The following MED12L variants were observed in gnomAD, a reference collection of about 807,000 sequenced individuals.
MED12L encodes the protein mediator complex subunit 12L.
A neutral mutation model predicts 281.3 loss-of-function variants in MED12L; 60 were observed. The ratio of observed to expected loss-of-function variants is 0.21; its 90% CI spans 0.17 to 0.26. The LOEUF is 0.26. Ranked by LOEUF, MED12L falls within the 10% of genes least tolerant of loss-of-function variation. The pLI is 1.00. For missense variants in MED12L, 2,146 were observed against 2,680.9 expected (o/e 0.80, Z 4.41); for synonymous variants, 974 against 987.2 (o/e 0.99, Z 0.25).
chr3:151,091,551 A>C (rs1292917583), intron 2 of MED12L, among the ~76,000 whole-genome samples: 1 of 152,210 alleles, frequency 6.6e-6, no homozygotes, highest in Non-Finnish European at 1.5e-5. Flanking sequence ...GGGCTGGATT[A>C]GACTTCTATG....
chr3:151,269,429 AC>A (rs1740457394), intron 16 of MED12L: 3 of 220,774 alleles, frequency 1.4e-5, no homozygotes, highest in Admixed American at 5.8e-5. Context: ...ACACACACAC[AC>A]ACACACACAC....
intron 16 of MED12L, among the ~76,000 whole-genome samples, chr3:151,306,525 T>C (rs1746679972): frequency 6.6e-6 from 1 of 152,216 alleles, no homozygotes; most frequent in Non-Finnish European, 1.5e-5. Context: ...ACATTTGCTC[T>C]CTCCCCAGAA....
intron 5 of MED12L, among the ~76,000 whole-genome samples, chr3:151,134,637 AG>A (rs1484298478): frequency 1.6e-4 from 24 of 152,208 alleles, no homozygotes; most frequent in African/African-American, 5.3e-4. Flanking sequence ...TAAGCCACTG[AG>A]GGAACTTGGG....
chr3:151,222,602 C>T (rs1444081652), intron 16 of MED12L, among the ~76,000 whole-genome samples: 2 of 152,180 alleles, frequency 1.3e-5, no homozygotes, highest in African/African-American at 4.8e-5. Context: ...GAGATGTGCT[C>T]CACCATGATT....
chr3:151,424,814 G>A (rs937203859), intron 43 of MED12L, among the ~76,000 whole-genome samples: 6 of 152,130 alleles, frequency 3.9e-5, no homozygotes, highest in Non-Finnish European at 8.8e-5. Flanking sequence ...TGTTCCTTCC[G>A]CTGCCGCTTG....
chr3:151,111,248 G>T (rs1711838281), intron 2 of MED12L, among the ~76,000 whole-genome samples: 1 of 152,222 alleles, frequency 6.6e-6, no homozygotes, highest in South Asian at 2.1e-4. Context: ...ACGAACAATA[G>T]CAGCAATGCT....
chr3:151,216,457 A>C (rs1287179437), intron 16 of MED12L, among the ~76,000 whole-genome samples: 1 of 152,240 alleles, frequency 6.6e-6, no homozygotes, highest in Non-Finnish European at 1.5e-5. Context: ...CACATAAAAA[A>C]TAGTACATCC....
intron 16 of MED12L, among the ~76,000 whole-genome samples, chr3:151,296,456 C>T (rs1412078389): frequency 6.6e-6 from 1 of 152,180 alleles, no homozygotes; most frequent in Non-Finnish European, 1.5e-5. Flanking sequence ...ATGGCAGGGA[C>T]ACCAAGACAA....
chr3:151,141,182 T>TTTTG (rs1553808483), intron 5 of MED12L, among the ~76,000 whole-genome samples: 14 of 116,820 alleles, frequency 1.2e-4, no homozygotes, highest in African/African-American at 2.7e-4. Flanking sequence ...TTTTTTGTTT[T>TTTTG]TTTTGTTTTT....
Position 151,169,858 on chromosome 3 carries a change from G to C in MED12L, c.1494+3876G>C, listed in dbSNP as rs1369777499. On this transcript the variant is annotated intron_variant, in intron 11 of 44. Transcript: ENST00000687756. ...TCAACTTCTGTAGTTGCAATAGGTTGGAGGTTTGCTGTTACTAGAAGTCGT... is the reference window on the plus strand; with the variant it reads ...TCAACTTCTGTAGTTGCAATAGGTTCGAGGTTTGCTGTTACTAGAAGTCGT... Among the ~76,000 whole-genome samples, 8 of 152,206 alleles carry C rather than the reference G, an allele frequency of 5.3e-5. No individual in the cohort carries two copies. The East Asian group carries it at 1.3e-3, about 26-fold the overall frequency.
At position 151,383,838 on chromosome 3, in the gene MED12L, G is replaced by C. The variant is rs765203353; in HGVS notation, c.4740G>C (p.Leu1580=). The C allele has an allele frequency of 6.2e-7, 1 of 1,614,044 alleles. No homozygotes were observed. The highest frequency in any genetic ancestry group is 2.2e-5 in the East Asian group (1 of 44,866). ...RSTQWTTDWA[L]LLLQIITSGT... ...CCCAGTGGACTACAGACTGGGCCCT[G>C]CTACTCCTTCAGATCATTACTTCAG... The change falls in exon 34 of 45, where the codon CTG becomes CTC. Residue 1580 remains leucine, a synonymous_variant. Transcript: ENST00000687756.
In MED12L at chr3:151,435,607, T is replaced by A. The variant is rs1268083131; in HGVS notation, c.*2803T>A. 3 of 126,778 alleles carry A rather than the reference T, an allele frequency of 2.4e-5. No individual in the cohort carries two copies. The highest frequency in any genetic ancestry group is 8.7e-5 in the African/African-American group (3 of 34,672). The allele number at this position is 126,778 out of a possible 1,614,324, so 7.9% of individuals were successfully genotyped here. On this transcript the variant is annotated 3_prime_UTR_variant, in exon 45 of 45. Transcript: ENST00000687756. ...ACCTATGGCATTTTTTTCCCATTTATAAAGCTCCTATAATTCTTAAGTAAG... is the reference window on the plus strand; with the variant it reads ...ACCTATGGCATTTTTTTCCCATTTAAAAAGCTCCTATAATTCTTAAGTAAG...
In MED12L at chr3:151,294,524, A is replaced by G. The variant is rs540566684; in HGVS notation, c.2251-55535A>G. 7.0e-5 allele frequency: 113 copies of G among 1,614,178 alleles called. 3 individuals carry two copies. In the South Asian group the frequency reaches 1.2e-3, roughly 17 times the overall value. On this transcript the variant is annotated intron_variant, in intron 16 of 44. Coordinates refer to ENST00000687756, the MANE Select transcript of MED12L (RefSeq NM_001393769.1). ...TTTTCGCTTTCGGCTTGACTGACTT[A>G]TGAATTGCCTGCTGGATTTGTGGAT...
intron 16 of MED12L, chr3:151,337,895 AT>A: frequency 6.2e-7 from 1 of 1,614,160 alleles, no homozygotes; most frequent in Non-Finnish European, 8.5e-7. Flanking sequence ...ATGTTGCAGA[AT>A]TGGGGCACTT....
In MED12L at chr3:151,122,967, C is replaced by A; in HGVS notation, c.389C>A (p.Ala130Glu). 6.3e-7 allele frequency: 1 copy of A among 1,593,484 alleles called. No homozygotes were observed. The change falls in exon 4 of 45, where the codon GCA (alanine) becomes GAA (glutamate). Residue 130 changes from alanine to glutamate, a missense_variant. By Grantham distance (107) the Ala-to-Glu change is moderately radical (BLOSUM62 -1). Around this residue, in one of 9 missense-constraint regions of MED12L, gnomAD observed 722 missense variants for 861.2 expected, o/e 0.84. Transcript: ENST00000687756. ...LAGNKPLSIL[A>E]KKVPILSKKE... ...GGAAATAAGCCACTTTCTATTTTGGCAAAAAAGGTATCAAATATTTCTTAC... is the reference window on the plus strand; with the variant it reads ...GGAAATAAGCCACTTTCTATTTTGGAAAAAAAGGTATCAAATATTTCTTAC...
At chr3:151,337,239 A>C (rs2149922686) in intron 16 of MED12L, 1 of 152,246 alleles carries the variant, frequency 6.6e-6, no homozygotes, top group East Asian at 1.9e-4. Flanking sequence ...TAAAAAATTA[A>C]GTCCAATCAA....
Position 151,127,838 on chromosome 3 carries a change from G to T in MED12L, c.410G>T (p.Ser137Ile). 1 of 1,608,148 alleles carries T rather than the reference G, an allele frequency of 6.2e-7. No homozygotes were observed. Among genetic ancestry groups the T allele is most frequent in the Non-Finnish European group, 8.5e-7 (1 of 1,175,040 alleles). The change falls in exon 5 of 45, where the codon AGT becomes ATT. Residue 137 changes from serine to isoleucine, a missense_variant. Ser to Ile is a moderately radical substitution (Grantham distance 142). Coordinates refer to ENST00000687756, the MANE Select transcript of MED12L (RefSeq NM_001393769.1). ...GTTTCTTTTTAGGTTCCTATCCTTA[G>T]TAAAAAAGAGGATGTTTTTGCATAT... ...SILAKKVPIL[S>I]KKEDVFAYLA... is the part of the protein sequence containing the mutation.
At chr3:151,285,360 C>T (rs1331808752) in intron 16 of MED12L, among the ~76,000 whole-genome samples, 1 of 152,076 alleles carries the variant, frequency 6.6e-6, no homozygotes, top group Non-Finnish European at 1.5e-5. Context: ...TGGCGGGTGC[C>T]TGTAGTCCCA....
intron 16 of MED12L, among the ~76,000 whole-genome samples, chr3:151,321,022 A>T (rs1323710757): frequency 6.6e-6 from 1 of 152,180 alleles, no homozygotes; most frequent in Non-Finnish European, 1.5e-5. Context: ...TTGGCATTTA[A>T]GGGTACAGGA....
Sources: allele counts gnomAD v4.1 joint callset (sites outside exome capture counted in the v4.1 genomes callset), GRCh38; gene constraint gnomAD v4.1.1; regional missense constraint gnomAD v4.1.1; transcripts MANE v1.5; gene names NCBI Gene and HGNC (gene_info 2026-07-23, HGNC 2026-07-21).